NXPH1: variants seen among roughly 807,000 people sequenced by gnomAD.
NXPH1 encodes the protein neurexophilin 1, also known as neurexophilin-1.
In NXPH1, 5 loss-of-function variants were observed where a neutral mutation model predicts 23.7. The observed-to-expected ratio is 0.21, with a 90% CI of 0.11 to 0.44. The LOEUF (loss-of-function observed/expected upper bound fraction) is 0.44, where lower values mean the gene tolerates loss of function less well. Ranked by LOEUF, NXPH1 falls within the 20% of genes least tolerant of loss-of-function variation. The pLI, the probability that NXPH1 is intolerant of heterozygous loss-of-function variation, is 0.99. For missense variants in NXPH1, 324 were observed against 321.6 expected, an observed-to-expected ratio of 1.01 and a Z score of -0.06; for synonymous variants, 144 against 122.2, an observed-to-expected ratio of 1.18 and a Z score of -1.18.
intron 2 of NXPH1, among the ~76,000 whole-genome samples, chr7:8,714,987 C>T (rs1295409200): frequency 1.3e-5 from 2 of 152,108 alleles, no homozygotes; most frequent in African/African-American, 4.8e-5. Context: ...AGTTCATTGG[C>T]TCTGAGCCCA....
chr7:8,732,523 C>G (rs1036548957), intron 2 of NXPH1, among the ~76,000 whole-genome samples: 5 of 152,182 alleles, frequency 3.3e-5, no homozygotes, highest in African/African-American at 4.8e-5. Context: ...TAGAACACTT[C>G]TCTCTTCCTG....
chr7:8,601,970 A>G (rs1417003403), intron 2 of NXPH1, among the ~76,000 whole-genome samples: 1 of 152,236 alleles, frequency 6.6e-6, no homozygotes, highest in Non-Finnish European at 1.5e-5. Flanking sequence ...AAATACTTTT[A>G]TGACTTTCAA....
intron 2 of NXPH1, among the ~76,000 whole-genome samples, chr7:8,669,930 T>G (rs561548989): frequency 6.6e-6 from 1 of 152,352 alleles, no homozygotes; most frequent in African/African-American, 2.4e-5. Flanking sequence ...AATTGATGTT[T>G]CTGCAGGAAG....
chr7:8,692,247 C>T (rs1239847546), intron 2 of NXPH1, among the ~76,000 whole-genome samples: 1 of 151,970 alleles, frequency 6.6e-6, no homozygotes, highest in Non-Finnish European at 1.5e-5. Flanking sequence ...ATTTGATGAA[C>T]ATATTTAGAA....
intron 2 of NXPH1, among the ~76,000 whole-genome samples, chr7:8,570,446 G>A (rs992371722): frequency 2.0e-4 from 30 of 151,898 alleles, no homozygotes; most frequent in African/African-American, 7.0e-4. Context: ...TTATGAAGAC[G>A]GCACATAACA....
intron 2 of NXPH1, among the ~76,000 whole-genome samples, chr7:8,747,986 C>G (rs1780499811): frequency 1.3e-5 from 2 of 152,080 alleles, no homozygotes; most frequent in Admixed American, 1.3e-4. Context: ...AAGGATAATC[C>G]TTTTGATGTG....
At chr7:8,682,299 A>G (rs1400528345) in intron 2 of NXPH1, among the ~76,000 whole-genome samples, 3 of 152,328 alleles carry the variant, frequency 2.0e-5, no homozygotes, top group South Asian at 4.1e-4. Flanking sequence ...TCAGATTCCC[A>G]GGAAGATGCA....
At chr7:8,531,618 A>G (rs531400250) in intron 2 of NXPH1, among the ~76,000 whole-genome samples, 13 of 152,200 alleles carry the variant, frequency 8.5e-5, no homozygotes, top group African/African-American at 2.9e-4. Flanking sequence ...GACTTCCCCC[A>G]CTGGAATGTG....
intron 2 of NXPH1, among the ~76,000 whole-genome samples, chr7:8,591,866 G>A (rs1307441548): frequency 6.8e-6 from 1 of 146,310 alleles, no homozygotes; most frequent in African/African-American, 2.5e-5. Flanking sequence ...TTTTTTGATA[G>A]TCTCTTTAGT....
intron 2 of NXPH1, among the ~76,000 whole-genome samples, chr7:8,638,649 G>A (rs1301433991): frequency 6.6e-6 from 1 of 152,136 alleles, no homozygotes; most frequent in Non-Finnish European, 1.5e-5. Context: ...AGAGAGAAGA[G>A]CAAGGAATTC....
At chr7:8,654,418 T>A (rs34818683) in intron 2 of NXPH1, among the ~76,000 whole-genome samples, 108,546 of 151,294 alleles carry the variant, frequency 0.72, 39,494 homozygotes, top group East Asian at 1. Flanking sequence ...GATTATCTTA[T>A]TCTTACTCTG....
At chr7:8,478,775 G>A (rs192178187) in intron 2 of NXPH1, among the ~76,000 whole-genome samples, 9 of 152,036 alleles carry the variant, frequency 5.9e-5, no homozygotes, top group Non-Finnish European at 1.5e-5. Flanking sequence ...GTAAGTGAAA[G>A]AAAATTAGAT....
chr7:8,609,949 G>C (rs1819580225), intron 2 of NXPH1, among the ~76,000 whole-genome samples: 1 of 152,060 alleles, frequency 6.6e-6, no homozygotes, highest in Non-Finnish European at 1.5e-5. Flanking sequence ...AGAAGGTATT[G>C]CATTATTAAA....
chr7:8,656,236 T>C (rs1562444633), intron 2 of NXPH1, among the ~76,000 whole-genome samples: 6 of 152,348 alleles, frequency 3.9e-5, no homozygotes. Context: ...AGCTAATTAA[T>C]AATGAGTAAG....
intron 2 of NXPH1, among the ~76,000 whole-genome samples, chr7:8,644,399 C>G (rs533913357): frequency 1.6e-4 from 24 of 152,130 alleles, no homozygotes; most frequent in Non-Finnish European, 3.1e-4. Context: ...AAGGTTCTCA[C>G]CTTGGCAATG....
chr7:8,521,789 A>T (rs1465120884), intron 2 of NXPH1, among the ~76,000 whole-genome samples: 1 of 152,186 alleles, frequency 6.6e-6, no homozygotes, highest in Non-Finnish European at 1.5e-5. Flanking sequence ...AGGTAGAAAA[A>T]TAATTACCAA....
chr7:8,612,316 T>C (rs1392559718), intron 2 of NXPH1, among the ~76,000 whole-genome samples: 5 of 151,640 alleles, frequency 3.3e-5, no homozygotes, highest in Non-Finnish European at 5.9e-5. Flanking sequence ...TATAGTGATA[T>C]AATCAAGCAG....
At chr7:8,667,161 C>A (rs1039206328) in intron 2 of NXPH1, among the ~76,000 whole-genome samples, 5 of 150,490 alleles carry the variant, frequency 3.3e-5, no homozygotes, top group East Asian at 2.0e-4. Context: ...CACATTATTG[C>A]AGCTGTTTTT....
At position 8,532,385 on chromosome 7, in the gene NXPH1, G is replaced by A. The variant is rs1282809717; in HGVS notation, c.54+96618G>A. Reference sequence around the variant, plus strand: ...GGAAAGAAGGAAAGCATTTGCTGCAGCCTGCCCCTATGTTGTACCCTGTTG... The same window carrying A: ...GGAAAGAAGGAAAGCATTTGCTGCAACCTGCCCCTATGTTGTACCCTGTTG... On this transcript the variant is annotated intron_variant, in intron 2 of 2. Coordinates refer to ENST00000405863, the MANE Select transcript of NXPH1 (RefSeq NM_152745.3). 1.5e-4 allele frequency among the ~76,000 whole-genome samples: 21 copies of A among 142,168 alleles called. No individual in the cohort carries two copies. The Admixed American group carries it at 1.6e-3, about 11-fold the overall frequency. The allele number at this position is 142,168 out of a possible 152,430, so 93.3% of individuals were successfully genotyped here. A position where few individuals can be genotyped will look rare whatever the true frequency, so the allele number is the denominator to read the frequency against.
Sources: gnomAD v4.1 joint callset for allele counts (sites outside exome capture counted in the v4.1 genomes callset) on GRCh38, gnomAD v4.1.1 for gene constraint, MANE v1.5 for transcripts, NCBI Gene and HGNC (gene_info 2026-07-23, HGNC 2026-07-21) for gene names.